MYH4: variants seen among roughly 807,000 people sequenced by gnomAD.
The protein encoded by MYH4 is myosin heavy chain 4.
In MYH4, 200 loss-of-function variants were observed where a neutral mutation model predicts 229.9. The observed-to-expected ratio is 0.87, with a 90% confidence interval of 0.78 to 0.98. The LOEUF (loss-of-function observed/expected upper bound fraction) is 0.98, where lower values mean the gene tolerates loss of function less well. Ranked by LOEUF, MYH4 falls within the 50% of genes least tolerant of loss-of-function variation. MYH4 has a pLI of 0.00. For synonymous variants in MYH4, 761 were observed against 834.6 expected (o/e 0.91, Z 1.52); for missense variants, 2,148 against 2,332.6 (o/e 0.92, Z 1.63).
rs1474554962 is a variant in MYH4 at position 10,454,592 on chromosome 17, A to G, written c.2654T>C (p.Met885Thr). The stretch of plus-strand genomic sequence containing the variant: ...GAGTTGTAAGTCATTTTTCTCTTGC[A>G]TTAGCGTCACCATCTTTTCTTCTAG... ...KELEEKMVTL[M>T]QEKNDLQLQV... Residue 885 changes from methionine to threonine, a missense_variant, in exon 22 of 40, where the codon ATG (methionine) becomes ACG (threonine). Transcript: ENST00000255381. The G allele has an allele frequency of 6.2e-7, 1 of 1,613,938 alleles. No individual in the cohort carries two copies. Among genetic ancestry groups the G allele is most frequent in the African/African-American group, 1.3e-5 (1 of 74,886 alleles).
Position 10,444,622 on chromosome 17 carries a change from C to T in MYH4, c.5649G>A (p.Lys1883=). ...TACTCACAGCCTCTTCAGCTTGTCT[C>T]TTGTAAGCTTTGACTTTGGTTTGCA... The part of the protein sequence containing the change: ...DKLQTKVKAY[K]RQAEEAEEQS... Residue 1883 remains lysine, a synonymous_variant, in exon 39 of 40, where the codon AAG becomes AAA. Transcript: ENST00000255381. 1 of 1,613,912 alleles carries T rather than the reference C, an allele frequency of 6.2e-7. No individual in the cohort carries two copies. Among genetic ancestry groups the T allele is most frequent in the Non-Finnish European group, 8.5e-7 (1 of 1,179,912 alleles).
At chr17:10,451,153 T>C (rs574984087) in intron 28 of MYH4, among the ~76,000 whole-genome samples, 173 bp downstream of exon 28, 8 of 152,304 alleles carry the variant, frequency 5.3e-5, no homozygotes, top group Middle Eastern at 6.8e-3. Flanking sequence ...TTTTCCCCAA[T>C]TGTCGCTTAG....
chr17:10,449,749 TG>T (rs1157475648), intron 30 of MYH4, among the ~76,000 whole-genome samples: 1 of 152,196 alleles, frequency 6.6e-6, no homozygotes, highest in African/African-American at 2.4e-5. Context: ...TCTAAAATCT[TG>T]TCTACTACTC....
chr17:10,464,234 G>A (rs75930858), intron 7 of MYH4, among the ~76,000 whole-genome samples: 1 of 152,000 alleles, frequency 6.6e-6, no homozygotes, highest in African/African-American at 2.4e-5. Flanking sequence ...CATGCTCAAT[G>A]TCTAGCTCTC....
chr17:10,451,433 C>T lies in MYH4; in HGVS notation c.3758G>A (p.Cys1253Tyr). 1 of 1,613,372 alleles carries T rather than the reference C, an allele frequency of 6.2e-7. No individual in the cohort carries two copies. The highest frequency in any genetic ancestry group is 8.5e-7 in the Non-Finnish European group (1 of 1,179,822). The change falls in exon 28 of 40, where the codon TGC becomes TAC. Residue 1253 changes from cysteine to tyrosine, a missense_variant. Transcript: ENST00000255381. ...ACTAAGCTGGTCCTCTAGGGTGCGG[C>T]ACATTTTCTCAAAGTTTGCCTGGGG... The part of the protein sequence containing the change: ...SKAKANFEKM[C>Y]RTLEDQLSEI...
intron 2 of MYH4, among the ~76,000 whole-genome samples, chr17:10,467,153 C>T (rs533434122): frequency 9.2e-5 from 14 of 152,236 alleles, no homozygotes; most frequent in African/African-American, 3.1e-4. Flanking sequence ...CTCTTAACAT[C>T]GTGATGATAC....
chr17:10,445,641 C>T (rs112967073), intron 35 of MYH4, among the ~76,000 whole-genome samples: 23 of 152,066 alleles, frequency 1.5e-4, no homozygotes, highest in African/African-American at 5.3e-4. Flanking sequence ...AGTGCTGTAC[C>T]ATGGAGCACC....
intron 35 of MYH4, among the ~76,000 whole-genome samples, chr17:10,446,353 T>C (rs1015703292): frequency 6.6e-6 from 1 of 152,136 alleles, no homozygotes; most frequent in South Asian, 2.1e-4. Flanking sequence ...GGATAAACTT[T>C]TATTTATCTT....
rs959488808 is a variant in MYH4 at position 10,443,654 on chromosome 17, C to G, written c.5668-127G>C. On this transcript the variant is annotated intron_variant, in intron 39 of 39. Coordinates refer to ENST00000255381, the MANE Select transcript of MYH4 (RefSeq NM_017533.2). The surrounding 1 kb of genome is among the most constrained non-coding windows in gnomAD (Gnocchi z 4.6). Reference sequence around the variant, plus strand: ...AGGCTCCGTTGTCCAGGCATGGTGGCTCACACCTGTAATCCCAGCACTCTG... The same window carrying G: ...AGGCTCCGTTGTCCAGGCATGGTGGGTCACACCTGTAATCCCAGCACTCTG... 1 of 988,654 alleles carries G rather than the reference C, an allele frequency of 1.0e-6. No individual in the cohort carries two copies. Among genetic ancestry groups the G allele is most frequent in the Non-Finnish European group, 1.5e-6 (1 of 682,592 alleles). 61.2% of individuals were successfully genotyped at this position (988,654 alleles called of 1,614,324 possible). A position where few individuals can be genotyped will look rare whatever the true frequency, so the allele number is the denominator to read the frequency against.
rs781207137 is a variant in MYH4, at chr17:10,457,437, G to T, written c.1880C>A (p.Ala627Glu). Residue 627 changes from alanine (A) to glutamate (E), a missense_variant, in exon 16 of 40, where the codon GCA (alanine) becomes GAA (glutamate). By Grantham distance (107) the Ala-to-Glu change is moderately radical (BLOSUM62 -1). Transcript: ENST00000255381. ...AACATGACCTGCTTCAGCAGTTTGT[G>T]CCCCAGAGAAGAGGAAAGCCAGAGT... Reference protein sequence around the residue: ...MKTLAFLFSGAQTAEAEGGGG... With the variant: ...MKTLAFLFSGEQTAEAEGGGG... 5 of 1,606,528 alleles carry T rather than the reference G, an allele frequency of 3.1e-6. No homozygotes were observed. Among genetic ancestry groups the T allele is most frequent in the Non-Finnish European group, 4.3e-6 (5 of 1,175,356 alleles).
Position 10,461,064 on chromosome 17 carries a change from G to C in MYH4, c.1009-10C>G. 6.2e-7 allele frequency: 1 copy of C among 1,613,862 alleles called. No individual in the cohort carries two copies. The highest frequency in any genetic ancestry group is 1.7e-4 in the Middle Eastern group (1 of 6,058). On this transcript the variant is annotated splice_polypyrimidine_tract_variant and intron_variant, in intron 11 of 39. Transcript: ENST00000255381. ...GGATGTCCACAGCACTCTGTCAAAA[G>C]AGTTGAATTTGCTCATCCCCAATTA...
chr17:10,448,900 G>A lies in MYH4; in HGVS notation c.4329C>T (p.Cys1443=), dbSNP rs1276570228. ...TTCTTTGCTTCTTATCGAGAGCTAT[G>A]CAGGCAGCATTAGATCGTTCCACAT... is the stretch of plus-strand genomic sequence containing the variant. The part of the protein sequence containing the change: ...MIDVERSNAA[C]IALDKKQRNF... Residue 1443 remains cysteine, a synonymous_variant, in exon 31 of 40, where the codon TGC becomes TGT. Coordinates refer to ENST00000255381, the MANE Select transcript of MYH4 (RefSeq NM_017533.2). 1 of 1,614,038 alleles carries A rather than the reference G, an allele frequency of 6.2e-7. No homozygotes were observed.
chr17:10,467,055 A>G (rs2072775659), intron 2 of MYH4, among the ~76,000 whole-genome samples: 1 of 152,182 alleles, frequency 6.6e-6, no homozygotes, highest in African/African-American at 2.4e-5. Context: ...TCAACATTCA[A>G]TCAGCAACAT....
At chr17:10,460,826 A>G in intron 12 of MYH4, 90 bp downstream of exon 12, 4 of 1,386,444 alleles carry the variant, frequency 2.9e-6, no homozygotes, top group Non-Finnish European at 4.0e-6. Context: ...TTCACGAGCT[A>G]GGTCAGAGAA....
chr17:10,457,280 T>C, intron 16 of MYH4, 140 bp downstream of exon 16: 2 of 953,998 alleles, frequency 2.1e-6, no homozygotes, highest in Non-Finnish European at 3.0e-6. Flanking sequence ...GTATCACAGT[T>C]ATTAAATACA....
intron 35 of MYH4, among the ~76,000 whole-genome samples, chr17:10,446,027 C>CAAAAAAAA (rs35896304): frequency 4.4e-5 from 3 of 68,558 alleles, no homozygotes; most frequent in African/African-American, 6.0e-5. Context: ...GACCCCTTCT[C>CAAAAAAAA]AAAAAAAAAA....
At position 10,454,983 on chromosome 17, in the gene MYH4, C is replaced by T; in HGVS notation, c.2393G>A (p.Gly798Glu). 6.2e-7 allele frequency: 1 copy of T among 1,614,200 alleles called. No individual in the cohort carries two copies. Among genetic ancestry groups the T allele is most frequent in the Non-Finnish European group, 8.5e-7 (1 of 1,180,044 alleles). The change falls in exon 21 of 40, where the codon GGG becomes GAG. Residue 798 changes from glycine to glutamate, a missense_variant. Gly to Glu is a moderately conservative substitution (Grantham distance 98, BLOSUM62 -2). Coordinates refer to ENST00000255381, the MANE Select transcript of MYH4 (RefSeq NM_017533.2). ...LITRTQAICR[G>E]FLMRVEFRKM... ...TCTGAACTCCACTCTCATCAGGAAC[C>T]CTCTGCATATGGCTTGAGTGCGCGT... is the stretch of plus-strand genomic sequence containing the variant.
chr17:10,451,273 G>A lies in MYH4; in HGVS notation c.3865+53C>T, dbSNP rs538881005. 3.1e-5 allele frequency: 50 copies of A among 1,595,130 alleles called. No individual in the cohort carries two copies. In the South Asian group the frequency reaches 3.8e-4, roughly 12 times the overall value. ...ACTTGTATTTGATAGGTAGGTAAAG[G>A]CTTGTCTTTCATTCGTCACCTCTCC... is the stretch of plus-strand genomic sequence containing the variant. On this transcript the variant is annotated intron_variant, in intron 28 of 39. Transcript: ENST00000255381.
At position 10,447,077 on chromosome 17, in the gene MYH4, CCTCT is replaced by C. The variant is rs745308509; in HGVS notation, c.5101_5104del (p.Arg1701AlafsTer26). 1.9e-6 allele frequency: 3 copies of C among 1,614,154 alleles called. No individual in the cohort carries two copies. The South Asian group carries it at 3.3e-5, about 18-fold the overall frequency. ...AAGCTCTTGCTCTGCCATTTTCCTG[CCTCT>C]CTCAGTCCGTTCCAGGGATGCCCTG... On this transcript the variant is annotated frameshift_variant, in exon 35 of 40. Coordinates refer to ENST00000255381, the MANE Select transcript of MYH4 (RefSeq NM_017533.2). LOFTEE classifies it high-confidence loss of function.
Sources: gnomAD v4.1 joint callset for allele counts (sites outside exome capture counted in the v4.1 genomes callset) on GRCh38, gnomAD v4.1.1 for gene constraint, Gnocchi (gnomAD v3.1) non-coding constraint, MANE v1.5 for transcripts, NCBI Gene and HGNC (gene_info 2026-07-23, HGNC 2026-07-21) for gene names.